The following ASXL1 variants were observed in gnomAD, a reference collection of about 807,000 sequenced individuals.
ASXL1 encodes the protein ASXL transcriptional regulator 1.
In ASXL1, 65 loss-of-function variants were observed where a neutral mutation model predicts 89.1. That is an observed-to-expected ratio of 0.73 (90% confidence interval 0.60 to 0.90). The LOEUF is 0.90. ASXL1 is among the 40% of genes least tolerant of loss of function. The pLI, the probability that ASXL1 is intolerant of heterozygous loss-of-function variation, is 0.00. For missense variants in ASXL1, 1,786 were observed against 1,942.9 expected (o/e 0.92, Z 1.52); for synonymous variants, 739 against 746.9 (o/e 0.99, Z 0.17).
At position 32,433,881 on chromosome 20, in the gene ASXL1, G is replaced by A. The variant is rs2123270851; in HGVS notation, c.1683G>A (p.Gln561=). The change falls in exon 12 of 13, where the codon CAG becomes CAA. Residue 561 remains glutamine, a synonymous_variant. Transcript: ENST00000375687. The part of the protein sequence containing the change: ...TIESVHTEKP[Q]PTKEEPKVPP... ...AAAGTGTTCACACCGAAAAGCCACA[G>A]CCCACTAAAGAGGAGCCCAAAGTCC... The A allele has an allele frequency of 6.2e-7, 1 of 1,613,682 alleles. No individual in the cohort carries two copies.
Position 32,437,575 on chromosome 20 carries a change from T to A in ASXL1, c.*237T>A. The A allele has an allele frequency of 3.6e-6, 2 of 551,732 alleles. No individual in the cohort carries two copies. Among genetic ancestry groups the A allele is most frequent in the Non-Finnish European group, 6.3e-6 (2 of 317,872 alleles). 34.2% of individuals were successfully genotyped at this position (551,732 alleles called of 1,614,324 possible). On this transcript the variant is annotated 3_prime_UTR_variant, in exon 13 of 13. Transcript: ENST00000375687. ...GCCCAAGGCCAGCCAGCCTGAGCTCTCCTGCAAGACAGAGCCTGATGTGGC... is the reference window on the plus strand; with the variant it reads ...GCCCAAGGCCAGCCAGCCTGAGCTCACCTGCAAGACAGAGCCTGATGTGGC...
At chr20:32,359,052 G>C in intron 1 of ASXL1, 1 of 605,004 alleles carries the variant, frequency 1.7e-6, no homozygotes, top group Non-Finnish European at 2.9e-6. Flanking sequence ...CGCCCCCCCC[G>C]CCCCGCGCAG....
intron 4 of ASXL1, among the ~76,000 whole-genome samples, chr20:32,399,987 C>A (rs2048845095): frequency 6.6e-6 from 1 of 151,928 alleles, no homozygotes; most frequent in Non-Finnish European, 1.5e-5. Context: ...GTCTTGAACT[C>A]CTGACCTCAA....
At chr20:32,421,096 A>C (rs1431996497) in intron 4 of ASXL1, among the ~76,000 whole-genome samples, 1 of 151,966 alleles carries the variant, frequency 6.6e-6, no homozygotes, top group African/African-American at 2.4e-5. Flanking sequence ...GAGGGAGAGC[A>C]TTAGGAAAAA....
At chr20:32,403,936 G>T (rs2048914608) in intron 4 of ASXL1, among the ~76,000 whole-genome samples, 1 of 151,784 alleles carries the variant, frequency 6.6e-6, no homozygotes, top group Non-Finnish European at 1.5e-5. Context: ...GTGATATTTT[G>T]ATACAGGTAT....
chr20:32,410,125 G>T (rs957016517), intron 4 of ASXL1, among the ~76,000 whole-genome samples: 4 of 152,094 alleles, frequency 2.6e-5, no homozygotes, highest in Non-Finnish European at 5.9e-5. Context: ...GGTTAAGGTG[G>T]TGTCTGCCTT....
intron 4 of ASXL1, chr20:32,372,235 C>T: frequency 1.5e-6 from 2 of 1,327,056 alleles, no homozygotes. Flanking sequence ...TTGTATGAAC[C>T]TGCTGTAAGC....
Position 32,431,689 on chromosome 20 carries a change from C to T in ASXL1, c.979+10C>T, listed in dbSNP as rs2011519147. 14 of 1,612,080 alleles carry T rather than the reference C, an allele frequency of 8.7e-6. No individual in the cohort carries two copies. Among genetic ancestry groups the T allele is most frequent in the Non-Finnish European group, 1.2e-5 (14 of 1,179,914 alleles). ...GAGCGCCTGGCTGATGGTATGTAGA[C>T]TTGGTCATCTCGGACGGCTTGCGAC... On this transcript the variant is annotated intron_variant, in intron 10 of 12. Transcript: ENST00000375687.
intron 4 of ASXL1, among the ~76,000 whole-genome samples, chr20:32,404,517 T>C (rs915872433): frequency 6.6e-6 from 1 of 152,226 alleles, no homozygotes; most frequent in African/African-American, 2.4e-5. Flanking sequence ...AACTCACTTA[T>C]TAGTTCTACA....
chr20:32,377,968 G>A (rs2048414215), intron 4 of ASXL1, among the ~76,000 whole-genome samples: 1 of 132,574 alleles, frequency 7.5e-6, no homozygotes, highest in South Asian at 2.8e-4. Context: ...ATAAAGTTTT[G>A]ACTCTGTGTG....
intron 3 of ASXL1, 49 bp from the exon 4 acceptor site, chr20:32,368,966 T>A (rs1481881562): frequency 1.3e-6 from 2 of 1,491,054 alleles, no homozygotes; most frequent in Non-Finnish European, 1.9e-6. Flanking sequence ...GGTCTTTAAG[T>A]AGGCAGATGG....
intron 1 of ASXL1, among the ~76,000 whole-genome samples, chr20:32,365,122 C>G (rs1282761544): frequency 9.9e-5 from 15 of 151,984 alleles, no homozygotes; most frequent in Admixed American, 9.2e-4. Flanking sequence ...AAGAGTAGAG[C>G]TGAATTAGAG....
chr20:32,364,210 CTAT>C (rs777091746), intron 1 of ASXL1, among the ~76,000 whole-genome samples: 1 of 151,996 alleles, frequency 6.6e-6, no homozygotes, highest in Non-Finnish European at 1.5e-5. Flanking sequence ...TATTTGCTTT[CTAT>C]TATTATTATT....
Position 32,438,604 on chromosome 20 carries a change from T to C in ASXL1, c.*1266T>C, listed in dbSNP as rs1396175504. 1 of 233,618 alleles carries C rather than the reference T, an allele frequency of 4.3e-6. No individual in the cohort carries two copies. The highest frequency in any genetic ancestry group is 8.5e-6 in the Non-Finnish European group (1 of 117,980). The allele number at this position is 233,618 out of a possible 1,614,324, so 14.5% of individuals were successfully genotyped here. A position where few individuals can be genotyped will look rare whatever the true frequency, so the allele number is the denominator to read the frequency against. Reference sequence around the variant, plus strand: ...ATCTTGCTTTTCACATCTCTCCTCCTACAGCCTTAATGGCTGCTTGCTGCC... The same window carrying C: ...ATCTTGCTTTTCACATCTCTCCTCCCACAGCCTTAATGGCTGCTTGCTGCC... On this transcript the variant is annotated 3_prime_UTR_variant, in exon 13 of 13. Transcript: ENST00000375687.
chr20:32,369,231 T>C (rs1569242853), intron 4 of ASXL1, 108 bp downstream of exon 4: 1 of 1,020,282 alleles, frequency 9.8e-7, no homozygotes, highest in Non-Finnish European at 1.5e-6. Context: ...ATTTCTCATA[T>C]GCAGTCAGGT....
At chr20:32,428,105 T>G in intron 4 of ASXL1, 23 bp from the exon 5 acceptor site, 1 of 1,612,698 alleles carries the variant, frequency 6.2e-7, no homozygotes, top group Non-Finnish European at 8.5e-7. Flanking sequence ...TTTGTTCACC[T>G]GAGTTGTACC....
chr20:32,376,076 T>C (rs561407630), intron 4 of ASXL1, among the ~76,000 whole-genome samples: 26 of 152,232 alleles, frequency 1.7e-4, no homozygotes, highest in African/African-American at 6.0e-4. Flanking sequence ...AATGTAGTAA[T>C]GCCAGACAGT....
chr20:32,359,425 C>T (rs945794316), intron 1 of ASXL1: 1 of 701,692 alleles, frequency 1.4e-6, no homozygotes, highest in Non-Finnish European at 2.6e-6. Context: ...ACCTGGGAGG[C>T]GGTTAGGAAC....
chr20:32,393,507 T>G (rs757078259), intron 4 of ASXL1, among the ~76,000 whole-genome samples: 3 of 152,190 alleles, frequency 2.0e-5, no homozygotes, highest in Non-Finnish European at 1.5e-5. Context: ...AGTCTCGCCC[T>G]GTCGCCCAGG....
Sources: gnomAD v4.1 joint callset for allele counts (sites outside exome capture counted in the v4.1 genomes callset) on GRCh38, gnomAD v4.1.1 for gene constraint, MANE v1.5 for transcripts, NCBI Gene and HGNC (gene_info 2026-07-23, HGNC 2026-07-21) for gene names.